The following MICAL3 variants were observed in gnomAD, a reference collection of about 807,000 sequenced individuals.
MICAL3 encodes the protein microtubule associated monooxygenase, calponin and LIM domain containing 3.
A neutral mutation model predicts 207.4 loss-of-function variants in MICAL3; 62 were observed. The ratio of observed to expected loss-of-function variants is 0.30; its 90% CI spans 0.24 to 0.37. The LOEUF is 0.37. Ranked by LOEUF, MICAL3 falls within the 10% of genes least tolerant of loss-of-function variation. The pLI is 1.00. For missense variants in MICAL3, 2,368 were observed against 2,635.6 expected, an observed-to-expected ratio of 0.90 and a Z score of 2.22; for synonymous variants, 1,077 against 1,069.3, an observed-to-expected ratio of 1.01 and a Z score of -0.14.
chr22:17,933,221 G>A (rs1933355638), intron 1 of MICAL3, among the ~76,000 whole-genome samples: 1 of 152,186 alleles, frequency 6.6e-6, no homozygotes, highest in Non-Finnish European at 1.5e-5. Flanking sequence ...ATAATTGGAA[G>A]TAAAGCACTC....
intron 1 of MICAL3, among the ~76,000 whole-genome samples, chr22:17,955,485 G>A (rs765949757): frequency 2.0e-5 from 3 of 152,176 alleles, no homozygotes; most frequent in Non-Finnish European, 2.9e-5. Flanking sequence ...GGAATGGGCC[G>A]TACTTAGCCA....
rs372832399 is a variant in MICAL3 at position 17,810,280 on chromosome 22, G to T, written c.5556+423C>A. Reference sequence around the variant, plus strand: ...GGGTTTCACCGTGTTAGCCAGGATGGTCTCAATCTCCTGACCTTGTGATCC... The same window carrying T: ...GGGTTTCACCGTGTTAGCCAGGATGTTCTCAATCTCCTGACCTTGTGATCC... On this transcript the variant is annotated intron_variant, in intron 28 of 31. Transcript: ENST00000441493. 5.3e-5 allele frequency among the ~76,000 whole-genome samples: 8 copies of T among 152,106 alleles called. No homozygotes were observed. The South Asian group carries it at 6.2e-4, about 12-fold the overall frequency.
intron 1 of MICAL3, among the ~76,000 whole-genome samples, chr22:17,959,161 G>A (rs377136525): frequency 7.5e-5 from 11 of 145,968 alleles, no homozygotes; most frequent in Non-Finnish European, 1.4e-4. Flanking sequence ...GACTGCAGGC[G>A]CCCACCACCA....
chr22:17,936,112 AAGAC>A (rs1933512696), intron 1 of MICAL3, among the ~76,000 whole-genome samples: 1 of 152,236 alleles, frequency 6.6e-6, no homozygotes, highest in South Asian at 2.1e-4. Context: ...TGCTACTATA[AAGAC>A]ACATGCACAC....
chr22:17,992,603 A>C (rs1334860792), intron 1 of MICAL3, among the ~76,000 whole-genome samples: 1 of 151,950 alleles, frequency 6.6e-6, no homozygotes, highest in Non-Finnish European at 1.5e-5. Context: ...TGAAGTAGGA[A>C]TCCCCCCTGC....
At chr22:17,831,408 G>A (rs75181400) in intron 21 of MICAL3, among the ~76,000 whole-genome samples, 1,617 of 152,282 alleles carry the variant, frequency 0.011, 10 homozygotes, top group Non-Finnish European at 0.018. Flanking sequence ...GCTGCCCTGC[G>A]TGCCATCAAC....
intron 1 of MICAL3, among the ~76,000 whole-genome samples, chr22:17,987,379 A>T (rs1466469423): frequency 6.6e-6 from 1 of 152,256 alleles, no homozygotes; most frequent in Non-Finnish European, 1.5e-5. Flanking sequence ...TCCTGGAGGC[A>T]GCAGGGACTG....
At position 17,936,139 on chromosome 22, in the gene MICAL3, C is replaced by T. The variant is rs1034776318; in HGVS notation, c.-74-29253G>A. Among the ~76,000 whole-genome samples the T allele has an allele frequency of 2.0e-5, 3 of 152,108 alleles. No individual in the cohort carries two copies. The South Asian group carries it at 6.2e-4, about 32-fold the overall frequency. On this transcript the variant is annotated intron_variant, in intron 1 of 31. Transcript: ENST00000441493. ...GACACATGCACACGCATGTTTATTG[C>T]GGCACTATTCACAATAGCAAAGACT...
intron 29 of MICAL3, among the ~76,000 whole-genome samples, chr22:17,797,148 T>C (rs542523653): frequency 2.6e-4 from 39 of 152,292 alleles, no homozygotes; most frequent in Non-Finnish European, 5.3e-4. Context: ...CCAAGAGCCA[T>C]AGCCCTGAGA....
Position 17,818,391 on chromosome 22 carries a change from T to A in MICAL3, c.4270A>T (p.Ser1424Cys). ...SAQEERRELS[S>C]SSGLGLHGSS... is the part of the protein sequence containing the mutation. ...CCGTGCAGGCCCAGGCCAGAGCTGC[T>A]GGACAGCTCCCTGCGCTCCTCCTGG... is the stretch of plus-strand genomic sequence containing the variant. Residue 1424 changes from serine (S) to cysteine (C), a missense_variant, in exon 26 of 32, where the codon AGC becomes TGC. This residue lies in a region of MICAL3 where 1,770 missense variants were observed against 1,863.2 expected (regional missense o/e 0.95). Transcript: ENST00000441493. The A allele has an allele frequency of 6.2e-7, 1 of 1,610,268 alleles. No individual in the cohort carries two copies. Among genetic ancestry groups the A allele is most frequent in the South Asian group, 1.1e-5 (1 of 90,998 alleles).
intron 17 of MICAL3, among the ~76,000 whole-genome samples, chr22:17,868,623 T>C (rs76613044): frequency 0.14 from 21,845 of 152,082 alleles, 2,003 homozygotes; most frequent in African/African-American, 0.25. Flanking sequence ...TAGCTATGAA[T>C]TGTGGGTGAT....
chr22:17,979,982 CCACACCTAACTAA>C (rs1935835000), intron 1 of MICAL3, among the ~76,000 whole-genome samples: 1 of 152,084 alleles, frequency 6.6e-6, no homozygotes, highest in African/African-American at 2.4e-5. Context: ...GCACATGCCA[CCACACCTAACTAA>C]TATTTTAATT....
chr22:17,857,494 G>A (rs955033422), intron 19 of MICAL3, among the ~76,000 whole-genome samples: 23 of 152,202 alleles, frequency 1.5e-4, no homozygotes, highest in African/African-American at 4.8e-4. Context: ...CACGGCCTGC[G>A]GCGTGGCTCT....
intron 18 of MICAL3, 46 bp downstream of exon 18, chr22:17,865,878 G>T: frequency 6.6e-7 from 1 of 1,508,356 alleles, no homozygotes; most frequent in Non-Finnish European, 9.2e-7. Flanking sequence ...CCACACTGCT[G>T]CAACACCCAC....
intron 22 of MICAL3, among the ~76,000 whole-genome samples, chr22:17,823,897 G>A (rs980850030): frequency 2.0e-5 from 3 of 152,334 alleles, no homozygotes; most frequent in East Asian, 3.9e-4. Context: ...TGTCCACAGC[G>A]CTGTGTGCAG....
Position 17,801,248 on chromosome 22 carries a change from GT to G in MICAL3, c.5650+7595del, listed in dbSNP as rs1032124211. Among the ~76,000 whole-genome samples the G allele has an allele frequency of 3.0e-5, 2 of 67,154 alleles. 1 individual carries two copies. The highest frequency in any genetic ancestry group is 2.7e-4 in the African/African-American group (2 of 7,370). 44.1% of individuals were successfully genotyped at this position (67,154 alleles called of 152,430 possible). A position where few individuals can be genotyped will look rare whatever the true frequency, so the allele number is the denominator to read the frequency against. On this transcript the variant is annotated intron_variant, in intron 29 of 31. Coordinates refer to ENST00000441493, the MANE Select transcript of MICAL3 (RefSeq NM_015241.3). ...GCTCACTGCAAGCTCCGCCTCCCGG[GT>G]TCACGCCATTCTCCTGCCTCAGCCT...
At position 17,820,372 on chromosome 22, in the gene MICAL3, T is replaced by A. The variant is rs550026688; in HGVS notation, c.3531+1055A>T. 2.8e-4 allele frequency among the ~76,000 whole-genome samples: 42 copies of A among 152,358 alleles called. No individual in the cohort carries two copies. The East Asian group carries it at 6.4e-3, about 23-fold the overall frequency. On this transcript the variant is annotated intron_variant, in intron 25 of 31. Coordinates refer to ENST00000441493, the MANE Select transcript of MICAL3 (RefSeq NM_015241.3). ...TGGACGCTGTAAATTTCTTTTTTTT[T>A]GAGACGGAGTCTCGCTCTGTCGCCC...
chr22:17,878,611 A>G (rs1341171294), intron 16 of MICAL3, among the ~76,000 whole-genome samples: 1 of 152,220 alleles, frequency 6.6e-6, no homozygotes, highest in African/African-American at 2.4e-5. Context: ...TTGTGAGATT[A>G]ACAACTAGAG....
At chr22:17,897,821 T>A (rs1294702847) in intron 7 of MICAL3, among the ~76,000 whole-genome samples, 2 of 152,142 alleles carry the variant, frequency 1.3e-5, no homozygotes, top group African/African-American at 2.4e-5. Flanking sequence ...AAATAGTAAG[T>A]AAGACTTGAA....
Sources: allele counts gnomAD v4.1 joint callset (sites outside exome capture counted in the v4.1 genomes callset), GRCh38; gene constraint gnomAD v4.1.1; regional missense constraint gnomAD v4.1.1; transcripts MANE v1.5; gene names NCBI Gene and HGNC (gene_info 2026-07-23, HGNC 2026-07-21).